Variants in MCOLN2 observed in about 807,000 individuals in gnomAD.
MCOLN2 encodes mucolipin TRP cation channel 2.
Under a neutral mutation model 67.5 loss-of-function variants are expected in MCOLN2, and 57 were observed. That is an observed-to-expected ratio of 0.84 (90% CI 0.68 to 1.05). The LOEUF (loss-of-function observed/expected upper bound fraction) is 1.05, where lower values mean the gene tolerates loss of function less well. Among genes scored for constraint, MCOLN2 ranks in the 50% least tolerant of loss-of-function variants. The probability of loss-of-function intolerance (pLI) is 0.00; values close to 1 mark genes in which losing one functional copy is unlikely to be tolerated. For synonymous variants in MCOLN2, 246 were observed against 233.3 expected (o/e 1.05, Z -0.50); for missense variants, 620 against 678.8 (o/e 0.91, Z 0.96).
In MCOLN2 at chr1:84,952,317, A is replaced by T; in HGVS notation, c.673T>A (p.Phe225Ile). Residue 225 changes from phenylalanine to isoleucine, a missense_variant, in exon 6 of 14, where the codon TTT becomes ATT. Coordinates refer to ENST00000370608, the MANE Select transcript of MCOLN2 (RefSeq NM_153259.4). ...FYRLLQVEISFHLKGIDLQTI... is the reference protein window; with the variant it reads ...FYRLLQVEISIHLKGIDLQTI... ...TGTAGGTCAATGCCTTTAAGATGAA[A>T]GGAGATTTCAACCTGTAAGAGCCTG... 6.2e-7 allele frequency: 1 copy of T among 1,613,560 alleles called. No individual in the cohort carries two copies. The highest frequency in any genetic ancestry group is 2.2e-5 in the East Asian group (1 of 44,840).
In MCOLN2 at chr1:84,952,354, T is replaced by C. The variant is rs1453782967; in HGVS notation, c.651-15A>G. ...CCTGTAAGAGCCTGAATAAAATATA[T>C]TGAAAGGTATAAATTGTCATAATCT... On this transcript the variant is annotated splice_polypyrimidine_tract_variant and intron_variant, in intron 5 of 13. Transcript: ENST00000370608. 4 of 1,600,852 alleles carry C rather than the reference T, an allele frequency of 2.5e-6. No homozygotes were observed. The highest frequency in any genetic ancestry group is 2.7e-5 in the African/African-American group (2 of 74,624).
rs774746239 is a variant in MCOLN2, at chr1:84,952,538, A to G, written c.566-8T>C. Reference sequence around the variant, plus strand: ...GGTCTAATTGAACACAATCTAGGGCAATGAAAGAACAAGAAATGGTTGTTT... The same window carrying G: ...GGTCTAATTGAACACAATCTAGGGCGATGAAAGAACAAGAAATGGTTGTTT... On this transcript the variant is annotated splice_polypyrimidine_tract_variant and splice_region_variant and intron_variant, in intron 4 of 13. Transcript: ENST00000370608. The G allele has an allele frequency of 6.3e-6, 10 of 1,588,814 alleles. No individual in the cohort carries two copies. The highest frequency in any genetic ancestry group is 3.3e-4 in the Middle Eastern group (2 of 6,034).
At chr1:84,975,768 C>T (rs1281590195) in intron 1 of MCOLN2, among the ~76,000 whole-genome samples, 1 of 151,958 alleles carries the variant, frequency 6.6e-6, no homozygotes, top group Non-Finnish European at 1.5e-5. Context: ...TTTAAGGAAA[C>T]TCAAAGAAAT....
chr1:84,980,481 C>A (rs975156079), intron 1 of MCOLN2, among the ~76,000 whole-genome samples: 4 of 151,988 alleles, frequency 2.6e-5, no homozygotes, highest in African/African-American at 9.7e-5. Context: ...AACAGATACA[C>A]AGACCAATGG....
intron 7 of MCOLN2, among the ~76,000 whole-genome samples, chr1:84,941,483 C>T (rs571074609): frequency 2.6e-5 from 4 of 152,142 alleles, no homozygotes; most frequent in African/African-American, 4.8e-5. Flanking sequence ...GGCAACAGAG[C>T]GAGATTCTGT....
At chr1:84,944,018 A>C (rs1019290545) in intron 7 of MCOLN2, among the ~76,000 whole-genome samples, 8 of 152,186 alleles carry the variant, frequency 5.3e-5, no homozygotes, top group Admixed American at 3.9e-4. Flanking sequence ...GATAAGACTG[A>C]AAATCTTATG....
At chr1:84,972,865 A>G (rs1035496721) in intron 1 of MCOLN2, among the ~76,000 whole-genome samples, 1 of 152,194 alleles carries the variant, frequency 6.6e-6, no homozygotes, top group Non-Finnish European at 1.5e-5. Flanking sequence ...CCTTTGCCCC[A>G]GGAAAATGAA....
chr1:84,959,810 C>T (rs1648983931), intron 2 of MCOLN2, among the ~76,000 whole-genome samples: 1 of 152,060 alleles, frequency 6.6e-6, no homozygotes, highest in Non-Finnish European at 1.5e-5. Flanking sequence ...ACTAGATGAC[C>T]CTGACAGTTC....
At chr1:84,953,263 T>C (rs1246827751) in intron 4 of MCOLN2, among the ~76,000 whole-genome samples, 3 of 152,112 alleles carry the variant, frequency 2.0e-5, no homozygotes, top group Non-Finnish European at 4.4e-5. Flanking sequence ...GATAAAATGT[T>C]AGTATTGGCC....
At chr1:84,979,476 A>G (rs1039627109) in intron 1 of MCOLN2, among the ~76,000 whole-genome samples, 4 of 152,250 alleles carry the variant, frequency 2.6e-5, no homozygotes, top group Non-Finnish European at 5.9e-5. Flanking sequence ...ATCATTCATC[A>G]TGACCAAGTG....
At chr1:84,989,494 G>T (rs1361656732) in intron 1 of MCOLN2, among the ~76,000 whole-genome samples, 1 of 152,034 alleles carries the variant, frequency 6.6e-6, no homozygotes, top group Non-Finnish European at 1.5e-5. Context: ...TCAATGAGTT[G>T]TTATTAAAAT....
Position 84,997,109 on chromosome 1 carries a change from T to C in MCOLN2, c.-237A>G, listed in dbSNP as rs933301686. On this transcript the variant is annotated 5_prime_UTR_variant, in exon 1 of 14. Coordinates refer to ENST00000370608, the MANE Select transcript of MCOLN2 (RefSeq NM_153259.4). ...TTCTCGGGCGGCTGAAAGGCGGCTC[T>C]GTGTGCACCCTGCAGGATGCGGCGC... 1.1e-5 allele frequency: 6 copies of C among 548,606 alleles called. No homozygotes were observed. Among genetic ancestry groups the C allele is most frequent in the African/African-American group, 2.0e-5 (1 of 50,818 alleles). 34.0% of individuals were successfully genotyped at this position (548,606 alleles called of 1,614,324 possible).
At chr1:84,943,252 A>G (rs928070720) in intron 7 of MCOLN2, among the ~76,000 whole-genome samples, 2 of 152,030 alleles carry the variant, frequency 1.3e-5, no homozygotes, top group African/African-American at 4.8e-5. Context: ...GACTTGGGGA[A>G]TAAGGAAGAA....
intron 7 of MCOLN2, among the ~76,000 whole-genome samples, chr1:84,943,798 G>C (rs1647929002): frequency 6.6e-6 from 1 of 152,210 alleles, no homozygotes; most frequent in Non-Finnish European, 1.5e-5. Context: ...ATGAGAATCA[G>C]GTGGAACAGT....
chr1:84,931,727 T>C lies in MCOLN2; in HGVS notation c.1336-159A>G, dbSNP rs112462474. On this transcript the variant is annotated intron_variant, in intron 11 of 13. Coordinates refer to ENST00000370608, the MANE Select transcript of MCOLN2 (RefSeq NM_153259.4). ...CACCATAAGAAGTAGGAAAACATTA[T>C]TCAAAAACCCCCTCTGGGCCAGGCA... Among the ~76,000 whole-genome samples, 28 of 152,230 alleles carry C rather than the reference T, an allele frequency of 1.8e-4. 1 individual carries two copies. Among genetic ancestry groups the C allele is most frequent in the African/African-American group, 6.7e-4 (28 of 41,544 alleles).
At chr1:84,964,246 G>A (rs1649253101) in intron 2 of MCOLN2, among the ~76,000 whole-genome samples, 1 of 151,958 alleles carries the variant, frequency 6.6e-6, no homozygotes, top group South Asian at 2.1e-4. Context: ...TATGAACACA[G>A]AATAAAGAAG....
intron 1 of MCOLN2, among the ~76,000 whole-genome samples, chr1:84,970,166 A>G (rs1299784766): frequency 6.6e-6 from 1 of 152,136 alleles, no homozygotes; most frequent in Non-Finnish European, 1.5e-5. Context: ...ATGACTCAAA[A>G]TATGCTTTTT....
At chr1:84,975,923 T>C (rs1649971878) in intron 1 of MCOLN2, among the ~76,000 whole-genome samples, 2 of 151,748 alleles carry the variant, frequency 1.3e-5, no homozygotes, top group African/African-American at 4.8e-5. Flanking sequence ...ATGGCAGAAA[T>C]GATCAAGCAG....
At chr1:84,990,297 CAAAAAAAAA>C (rs34226507) in intron 1 of MCOLN2, among the ~76,000 whole-genome samples, 2 of 34,982 alleles carry the variant, frequency 5.7e-5, no homozygotes, top group East Asian at 1.6e-3. Flanking sequence ...GACTCCATCT[CAAAAAAAAA>C]AAAAAAAAAA....
Sources: allele counts gnomAD v4.1 joint callset (sites outside exome capture counted in the v4.1 genomes callset), GRCh38; gene constraint gnomAD v4.1.1; transcripts MANE v1.5; gene names NCBI Gene and HGNC (gene_info 2026-07-23, HGNC 2026-07-21).